MAN2A1: variants seen among roughly 807,000 people sequenced by gnomAD.
MAN2A1 encodes the protein mannosidase alpha class 2A member 1.
MAN2A1 carries 76 observed loss-of-function variants against 142.6 expected under a neutral mutation model. That is an observed-to-expected ratio of 0.53 (90% confidence interval 0.44 to 0.65). The LOEUF (loss-of-function observed/expected upper bound fraction) is 0.65. Among genes scored for constraint, MAN2A1 ranks in the 30% least tolerant of loss-of-function variants. The pLI, the probability that MAN2A1 is intolerant of heterozygous loss-of-function variation, is 0.00. For synonymous variants in MAN2A1, 559 were observed against 473.2 expected (o/e 1.18, Z -2.35); for missense variants, 1,311 against 1,365.1 (o/e 0.96, Z 0.62).
chr5:109,742,712 G>T (rs1435063938), intron 4 of MAN2A1, among the ~76,000 whole-genome samples: 1 of 152,192 alleles, frequency 6.6e-6, no homozygotes, highest in Non-Finnish European at 1.5e-5. Context: ...GGAAGTTACA[G>T]TGTGTCTTGT....
intron 12 of MAN2A1, among the ~76,000 whole-genome samples, chr5:109,813,844 A>G (rs1389211173): frequency 1.3e-5 from 2 of 152,234 alleles, no homozygotes; most frequent in Non-Finnish European, 2.9e-5. Flanking sequence ...ATTCTTCCAT[A>G]AAGTGATTCC....
intron 12 of MAN2A1, among the ~76,000 whole-genome samples, chr5:109,808,718 T>G (rs1222984426): frequency 6.6e-6 from 1 of 150,870 alleles, no homozygotes; most frequent in Non-Finnish European, 1.5e-5. Flanking sequence ...TTTTTTTTTT[T>G]TTTGAGACAG....
intron 4 of MAN2A1, among the ~76,000 whole-genome samples, chr5:109,729,862 C>T (rs1412746907): frequency 6.6e-6 from 1 of 151,996 alleles, no homozygotes; most frequent in South Asian, 2.1e-4. Flanking sequence ...AGGTGGTGCT[C>T]ACGCCTGTAA....
chr5:109,748,983 G>A (rs1353061940), intron 4 of MAN2A1, among the ~76,000 whole-genome samples: 2 of 151,296 alleles, frequency 1.3e-5, no homozygotes, highest in African/African-American at 2.4e-5. Flanking sequence ...TAGGATATAA[G>A]TTGATTCATT....
intron 12 of MAN2A1, among the ~76,000 whole-genome samples, chr5:109,800,299 C>T (rs1753985853): frequency 6.6e-6 from 1 of 152,198 alleles, no homozygotes; most frequent in Non-Finnish European, 1.5e-5. Context: ...CTCCATGGGA[C>T]TGTGTTTACC....
chr5:109,849,987 C>T (rs1373941358), intron 19 of MAN2A1, among the ~76,000 whole-genome samples: 1 of 152,194 alleles, frequency 6.6e-6, no homozygotes, highest in East Asian at 1.9e-4. Flanking sequence ...CTTAGAGACT[C>T]TTGGTGATAG....
chr5:109,749,483 C>T (rs968519331), intron 4 of MAN2A1, among the ~76,000 whole-genome samples: 5 of 152,118 alleles, frequency 3.3e-5, no homozygotes, highest in Non-Finnish European at 5.9e-5. Context: ...CAAGTCAACT[C>T]AGTGTAAAAA....
intron 12 of MAN2A1, among the ~76,000 whole-genome samples, chr5:109,799,662 G>C (rs1183465916): frequency 6.6e-6 from 1 of 151,800 alleles, no homozygotes; most frequent in Non-Finnish European, 1.5e-5. Context: ...GCTAAAGCAG[G>C]AGAATCACTT....
chr5:109,849,929 A>G (rs563047869), intron 19 of MAN2A1, among the ~76,000 whole-genome samples: 1 of 151,926 alleles, frequency 6.6e-6, no homozygotes, highest in East Asian at 1.9e-4. Context: ...AGTACTTTCC[A>G]TCCCCTCCTC....
At chr5:109,775,758 C>T (rs1034123750) in intron 8 of MAN2A1, among the ~76,000 whole-genome samples, 3 of 151,998 alleles carry the variant, frequency 2.0e-5, no homozygotes, top group Non-Finnish European at 4.4e-5. Context: ...CATTATCACA[C>T]CTAAAAAACT....
intron 3 of MAN2A1, among the ~76,000 whole-genome samples, chr5:109,718,545 C>A (rs553108015): frequency 6.6e-6 from 1 of 152,282 alleles, no homozygotes; most frequent in Non-Finnish European, 1.5e-5. Flanking sequence ...ATTCTAGCGG[C>A]AAAGAACATA....
chr5:109,723,793 T>C (rs906532754), intron 3 of MAN2A1, among the ~76,000 whole-genome samples: 1 of 152,220 alleles, frequency 6.6e-6, no homozygotes, highest in African/African-American at 2.4e-5. Flanking sequence ...GTCTTTTCCA[T>C]ATGCTCTTCC....
chr5:109,692,554 C>A (rs1041282288), intron 1 of MAN2A1, among the ~76,000 whole-genome samples: 1 of 152,020 alleles, frequency 6.6e-6, no homozygotes, highest in Non-Finnish European at 1.5e-5. Flanking sequence ...CACTGAGGCA[C>A]GGAGAGATTA....
At chr5:109,856,512 T>C (rs906927824) in intron 20 of MAN2A1, among the ~76,000 whole-genome samples, 9 of 152,104 alleles carry the variant, frequency 5.9e-5, no homozygotes, top group African/African-American at 1.9e-4. Flanking sequence ...TAGCAAGCCT[T>C]GTAAAGGGGC....
chr5:109,855,308 G>A lies in MAN2A1; in HGVS notation c.3145G>A (p.Val1049Ile). 6 of 1,593,706 alleles carry A rather than the reference G, an allele frequency of 3.8e-6. No individual in the cohort carries two copies. Among genetic ancestry groups the A allele is most frequent in the Non-Finnish European group, 5.1e-6 (6 of 1,173,058 alleles). The change falls in exon 20 of 22, where the codon GTT becomes ATT. Residue 1049 changes from valine to isoleucine, a missense_variant. Physicochemically the swap from Val to Ile is conservative, Grantham distance 29. Around this residue, in one of 3 missense-constraint regions of MAN2A1, gnomAD observed 890 missense variants for 920.5 expected, o/e 0.97. Coordinates refer to ENST00000261483, the MANE Select transcript of MAN2A1 (RefSeq NM_002372.4). The stretch of plus-strand genomic sequence containing the variant: ...ATCTTTGCCTTGTGACATTCATCTG[G>A]TTAATTTGAGAACAATACAGTCAAA... ...QSSLPCDIHL[V>I]NLRTIQSKVG...
chr5:109,762,313 A>G (rs1172416784), intron 5 of MAN2A1, among the ~76,000 whole-genome samples: 1 of 152,136 alleles, frequency 6.6e-6, no homozygotes, highest in African/African-American at 2.4e-5. Flanking sequence ...TTAAGCTAAA[A>G]GGTATTTTGT....
At chr5:109,844,072 T>C (rs1012432085) in intron 17 of MAN2A1, among the ~76,000 whole-genome samples, 3 of 152,208 alleles carry the variant, frequency 2.0e-5, no homozygotes, top group Non-Finnish European at 4.4e-5. Context: ...GGATTCCAGA[T>C]AAAATCTCAA....
intron 12 of MAN2A1, among the ~76,000 whole-genome samples, chr5:109,809,065 A>G (rs1484274569): frequency 1.3e-5 from 2 of 152,138 alleles, no homozygotes; most frequent in African/African-American, 4.8e-5. Context: ...TTTCTAAGTT[A>G]TAGTTTTTTC....
intron 3 of MAN2A1, among the ~76,000 whole-genome samples, chr5:109,721,960 A>G (rs1459948795): frequency 6.6e-6 from 1 of 152,220 alleles, no homozygotes; most frequent in Admixed American, 6.5e-5. Context: ...ACTTCATGAC[A>G]GAGTCTGTAA....
Sources: allele counts gnomAD v4.1 joint callset (sites outside exome capture counted in the v4.1 genomes callset), GRCh38; gene constraint gnomAD v4.1.1; regional missense constraint gnomAD v4.1.1; transcripts MANE v1.5; gene names NCBI Gene and HGNC (gene_info 2026-07-23, HGNC 2026-07-21).